CDH13: variants seen among roughly 807,000 people sequenced by gnomAD.
The protein encoded by CDH13 is cadherin-13.
A neutral mutation model predicts 63.8 loss-of-function variants in CDH13; 24 were observed. The ratio of observed to expected loss-of-function variants is 0.38; its 90% CI spans 0.27 to 0.53. CDH13 has a LOEUF of 0.53. Among genes scored for constraint, CDH13 ranks in the 20% least tolerant of loss-of-function variants. CDH13 has a pLI of 0.85. For missense variants in CDH13, 1,049 were observed against 903.1 expected (o/e 1.16, Z -2.07); for synonymous variants, 503 against 355.3 (o/e 1.42, Z -4.67).
chr16:83,096,945 C>T (rs2034233188), intron 3 of CDH13, among the ~76,000 whole-genome samples: 1 of 151,792 alleles, frequency 6.6e-6, no homozygotes, highest in Admixed American at 6.6e-5. Flanking sequence ...TATTTTTTTT[C>T]TGAGCACGGT....
chr16:83,025,257 G>A (rs1448826888), intron 2 of CDH13, among the ~76,000 whole-genome samples: 1 of 152,138 alleles, frequency 6.6e-6, no homozygotes, highest in African/African-American at 2.4e-5. Flanking sequence ...TAAAGATGTC[G>A]AGGATTAAAG....
intron 5 of CDH13, among the ~76,000 whole-genome samples, chr16:83,328,389 G>C (rs190075779): frequency 1.4e-4 from 22 of 152,266 alleles, no homozygotes; most frequent in African/African-American, 5.3e-4. Flanking sequence ...ATTTTGGGGA[G>C]AGTGAAATGA....
rs576973198 is a variant in CDH13 at position 83,602,082 on chromosome 16, C to CAAA, written c.961-359_961-357dup. On this transcript the variant is annotated intron_variant, in intron 7 of 13. Transcript: ENST00000567109. ...TACTCTAGAGAGTGAGACTCTGTCT[C>CAAA]AAAAAAAAAAAAAAAGAACAACAAC... Among the ~76,000 whole-genome samples the CAAA allele has an allele frequency of 1.7e-3, 55 of 32,288 alleles. 4 individuals carry two copies. The highest frequency in any genetic ancestry group is 8.4e-3 in the African/African-American group (53 of 6,318). The allele number at this position is 32,288 out of a possible 152,430, so 21.2% of individuals were successfully genotyped here.
At chr16:83,484,027 G>T (rs2073832242) in intron 6 of CDH13, among the ~76,000 whole-genome samples, 1 of 152,198 alleles carries the variant, frequency 6.6e-6, no homozygotes, top group Non-Finnish European at 1.5e-5. Flanking sequence ...AAGCTAGGTG[G>T]ATAGGAAGTG....
At chr16:82,895,846 G>A (rs1252883874) in intron 2 of CDH13, among the ~76,000 whole-genome samples, 1 of 152,146 alleles carries the variant, frequency 6.6e-6, no homozygotes, top group African/African-American at 2.4e-5. Flanking sequence ...GTATCAACTT[G>A]CAGTACGTCA....
chr16:82,760,258 C>G (rs2034782531), intron 1 of CDH13, among the ~76,000 whole-genome samples: 1 of 152,060 alleles, frequency 6.6e-6, no homozygotes, highest in Non-Finnish European at 1.5e-5. Context: ...CATAGTACCG[C>G]CCCCGCAAAA....
At chr16:83,421,362 G>T (rs1463271126) in intron 6 of CDH13, among the ~76,000 whole-genome samples, 1 of 152,122 alleles carries the variant, frequency 6.6e-6, no homozygotes, top group Non-Finnish European at 1.5e-5. Flanking sequence ...TTGAAGGTAG[G>T]CAGTTAAGAG....
chr16:83,252,107 T>TAC lies in CDH13; in HGVS notation c.636+34632_636+34633dup, dbSNP rs149781230. ...TATGTATATATGTATATATATATTA[T>TAC]ACACACACACACACACACACACATA... On this transcript the variant is annotated intron_variant, in intron 5 of 13. Coordinates refer to ENST00000567109, the MANE Select transcript of CDH13 (RefSeq NM_001257.5). Among the ~76,000 whole-genome samples the TAC allele has an allele frequency of 3.9e-4, 53 of 135,942 alleles. 1 individual carries two copies. Among genetic ancestry groups the TAC allele is most frequent in the Middle Eastern group, 7.5e-3 (2 of 266 alleles). The allele number at this position is 135,942 out of a possible 152,430, so 89.2% of individuals were successfully genotyped here.
At chr16:83,630,995 C>A (rs1910730613) in intron 8 of CDH13, among the ~76,000 whole-genome samples, 1 of 152,110 alleles carries the variant, frequency 6.6e-6, no homozygotes. Context: ...ACATGTGGTT[C>A]AGTAAGGGGG....
intron 3 of CDH13, among the ~76,000 whole-genome samples, chr16:83,033,896 C>T (rs923189283): frequency 9.9e-5 from 15 of 152,118 alleles, no homozygotes; most frequent in African/African-American, 4.8e-5. Context: ...CTTGGTCTTC[C>T]TCGATTTTTC....
At chr16:82,696,050 A>G (rs1003319400) in intron 1 of CDH13, among the ~76,000 whole-genome samples, 7 of 152,138 alleles carry the variant, frequency 4.6e-5, no homozygotes, top group African/African-American at 1.7e-4. Flanking sequence ...AATTCGGGTG[A>G]CATCTACTTT....
At chr16:82,707,079 G>A (rs376814819) in intron 1 of CDH13, among the ~76,000 whole-genome samples, 5 of 152,334 alleles carry the variant, frequency 3.3e-5, no homozygotes, top group African/African-American at 1.2e-4. Flanking sequence ...TGTTTGGCGG[G>A]AAAATAGCTT....
chr16:83,756,023 T>G (rs191949049), intron 11 of CDH13, among the ~76,000 whole-genome samples: 1 of 152,168 alleles, frequency 6.6e-6, no homozygotes, highest in South Asian at 2.1e-4. Flanking sequence ...TTCTGCAGCA[T>G]TGGAGATGTA....
intron 2 of CDH13, among the ~76,000 whole-genome samples, chr16:82,934,036 G>C (rs1003969631): frequency 3.9e-5 from 6 of 152,198 alleles, no homozygotes; most frequent in Non-Finnish European, 8.8e-5. Flanking sequence ...GAGGACAGTG[G>C]CCCTTTTCTC....
intron 7 of CDH13, among the ~76,000 whole-genome samples, chr16:83,507,774 C>T (rs1372728654): frequency 6.6e-6 from 1 of 152,024 alleles, no homozygotes; most frequent in Non-Finnish European, 1.5e-5. Flanking sequence ...GTGGCTCATG[C>T]TTGTAATCCC....
At chr16:82,890,449 G>A (rs538347151) in intron 2 of CDH13, among the ~76,000 whole-genome samples, 20 of 152,252 alleles carry the variant, frequency 1.3e-4, no homozygotes, top group Admixed American at 4.6e-4. Flanking sequence ...CTTTGCTAGA[G>A]TCGGAATAAA....
At chr16:82,796,976 G>GGA (rs1232522798) in intron 1 of CDH13, among the ~76,000 whole-genome samples, 2 of 152,174 alleles carry the variant, frequency 1.3e-5, no homozygotes, top group Non-Finnish European at 2.9e-5. Context: ...ATTGGAGGCA[G>GGA]GATCCTATCA....
chr16:83,080,620 C>T (rs1390689708), intron 3 of CDH13, among the ~76,000 whole-genome samples: 1 of 152,050 alleles, frequency 6.6e-6, no homozygotes, highest in African/African-American at 2.4e-5. Context: ...TGTCCAGTGT[C>T]CACAGCTCCT....
chr16:82,935,166 G>A (rs2042629321), intron 2 of CDH13, among the ~76,000 whole-genome samples: 1 of 152,314 alleles, frequency 6.6e-6, no homozygotes, highest in South Asian at 2.1e-4. Context: ...TTACAATGAT[G>A]GTGGATGGGG....
Sources: gnomAD v4.1 joint callset for allele counts (sites outside exome capture counted in the v4.1 genomes callset) on GRCh38, gnomAD v4.1.1 for gene constraint, MANE v1.5 for transcripts, NCBI Gene and HGNC (gene_info 2026-07-23, HGNC 2026-07-21) for gene names.